Variants in TNR observed in about 807,000 individuals in gnomAD.
TNR encodes tenascin R, also known as tenascin-R.
Under a neutral mutation model 150.4 loss-of-function variants are expected in TNR, and 45 were observed. The ratio of observed to expected loss-of-function variants is 0.30; its 90% CI spans 0.24 to 0.38. The LOEUF is 0.38. TNR is among the 10% of genes least tolerant of loss of function. The probability of loss-of-function intolerance (pLI) is 1.00; values close to 1 mark genes in which losing one functional copy is unlikely to be tolerated. For synonymous variants in TNR, 687 were observed against 678.4 expected (o/e 1.01, Z -0.20); for missense variants, 1,544 against 1,759.1 (o/e 0.88, Z 2.19).
intron 1 of TNR, among the ~76,000 whole-genome samples, chr1:175,568,564 G>T (rs761618558): frequency 6.6e-6 from 1 of 152,064 alleles, no homozygotes; most frequent in Non-Finnish European, 1.5e-5. Flanking sequence ...CTCTCCCTTT[G>T]CATGGGTCCT....
At chr1:175,681,847 G>A (rs559695768) in intron 1 of TNR, among the ~76,000 whole-genome samples, 3 of 152,148 alleles carry the variant, frequency 2.0e-5, no homozygotes, top group South Asian at 2.1e-4. Flanking sequence ...TTCTGTTGGC[G>A]TCTCCACCTG....
At chr1:175,351,768 G>A (rs920943910) in intron 18 of TNR, among the ~76,000 whole-genome samples, 4 of 152,180 alleles carry the variant, frequency 2.6e-5, no homozygotes, top group African/African-American at 4.8e-5. Context: ...GTAAAACTGC[G>A]AAAGCTTCCA....
At chr1:175,505,842 A>G (rs1658938396) in intron 2 of TNR, among the ~76,000 whole-genome samples, 1 of 152,188 alleles carries the variant, frequency 6.6e-6, no homozygotes, top group Non-Finnish European at 1.5e-5. Context: ...GGAGTTCAAG[A>G]CCAGTGTGGC....
In TNR at chr1:175,330,153, G is replaced by A. The variant is rs201550383; in HGVS notation, c.3714C>T (p.Phe1238=). 1.0e-4 allele frequency: 168 copies of A among 1,613,592 alleles called. 1 individual carries two copies. In the East Asian group the frequency reaches 3.6e-3, roughly 34 times the overall value. ...VDMRDGQEAA[F]ASYDRFSVED... Reference sequence around the variant, plus strand: ...CGACAGAGAACCTGTCGTAGGAGGCGAAGGCGGCCTCTTGGCCATCCCGCA... The same window carrying A: ...CGACAGAGAACCTGTCGTAGGAGGCAAAGGCGGCCTCTTGGCCATCCCGCA... The change falls in exon 21 of 23, where the codon TTC becomes TTT. Residue 1238 remains phenylalanine, a synonymous_variant. Transcript: ENST00000367674.
intron 1 of TNR, among the ~76,000 whole-genome samples, chr1:175,710,012 C>T (rs576301529): frequency 6.6e-6 from 1 of 152,120 alleles, no homozygotes; most frequent in South Asian, 2.1e-4. Flanking sequence ...ATTCTAAGAA[C>T]AATGAGATAC....
At chr1:175,581,317 T>G (rs1662340085) in intron 1 of TNR, among the ~76,000 whole-genome samples, 1 of 152,204 alleles carries the variant, frequency 6.6e-6, no homozygotes, top group South Asian at 2.1e-4. Context: ...CTCCACACTC[T>G]TAGACAGGGG....
At chr1:175,693,519 T>C (rs1322390290) in intron 1 of TNR, among the ~76,000 whole-genome samples, 2 of 152,202 alleles carry the variant, frequency 1.3e-5, no homozygotes, top group African/African-American at 2.4e-5. Flanking sequence ...ACTTTGATGA[T>C]TAATTTCCCT....
At chr1:175,482,514 G>A (rs1657853999) in intron 2 of TNR, among the ~76,000 whole-genome samples, 1 of 152,150 alleles carries the variant, frequency 6.6e-6, no homozygotes, top group South Asian at 2.1e-4. Context: ...GGAACCATAA[G>A]CTCATATGCT....
At chr1:175,460,461 G>A (rs1236869124) in intron 2 of TNR, among the ~76,000 whole-genome samples, 1 of 151,926 alleles carries the variant, frequency 6.6e-6, no homozygotes, top group Non-Finnish European at 1.5e-5. Flanking sequence ...TCTCCAGTCA[G>A]CCCTTAGATT....
At chr1:175,325,548 G>A (rs998139110) in intron 21 of TNR, among the ~76,000 whole-genome samples, 6 of 152,132 alleles carry the variant, frequency 3.9e-5, no homozygotes, top group Admixed American at 1.3e-4. Context: ...CAGTCATTCC[G>A]CTATAGAGAC....
chr1:175,671,950 T>TGTGTGTG (rs1491413157), intron 1 of TNR, among the ~76,000 whole-genome samples: 3 of 138,062 alleles, frequency 2.2e-5, no homozygotes, highest in East Asian at 2.2e-4. Flanking sequence ...TGTGTGTGTG[T>TGTGTGTG]TGGAGAGGGG....
intron 2 of TNR, among the ~76,000 whole-genome samples, chr1:175,420,012 A>G (rs1654681924): frequency 6.6e-6 from 1 of 152,182 alleles, no homozygotes; most frequent in South Asian, 2.1e-4. Flanking sequence ...GAGGAGAGTC[A>G]GGCCCTCGCT....
At chr1:175,578,214 G>C (rs767018663) in intron 1 of TNR, among the ~76,000 whole-genome samples, 21 of 152,040 alleles carry the variant, frequency 1.4e-4, no homozygotes, top group Non-Finnish European at 2.5e-4. Context: ...GAGGTGGAGC[G>C]GGCAGGCCTG....
At chr1:175,718,529 C>A (rs997474765) in intron 1 of TNR, among the ~76,000 whole-genome samples, 1 of 152,214 alleles carries the variant, frequency 6.6e-6, no homozygotes, top group Non-Finnish European at 1.5e-5. Flanking sequence ...GCAGGACCCA[C>A]GGTGTTTGTC....
At chr1:175,726,675 C>A (rs1667488541) in intron 1 of TNR, among the ~76,000 whole-genome samples, 2 of 152,130 alleles carry the variant, frequency 1.3e-5, no homozygotes, top group South Asian at 4.1e-4. Context: ...GAGGTTTAGA[C>A]TTTTAAAGAC....
At chr1:175,545,826 T>C (rs537040018) in intron 1 of TNR, among the ~76,000 whole-genome samples, 1 of 152,206 alleles carries the variant, frequency 6.6e-6, no homozygotes, top group Non-Finnish European at 1.5e-5. Flanking sequence ...TTCACTACCA[T>C]GCCAGGTTGC....
At chr1:175,420,057 C>T (rs1654683617) in intron 2 of TNR, among the ~76,000 whole-genome samples, 1 of 152,190 alleles carries the variant, frequency 6.6e-6, no homozygotes, top group South Asian at 2.1e-4. Flanking sequence ...CTGGCTGTGC[C>T]CCTTGGCTGA....
rs1649040092 is a variant in TNR, at chr1:175,321,339, AGGTCCGAGGCCTGAT to A, written c.*2003_*2017del. ...AATGGTGGCTGGCTGCATCCCCATG[AGGTCCGAGGCCTGAT>A]GGTCAGCCCAAGGGACTTTTCATCT... is the stretch of plus-strand genomic sequence containing the variant. On this transcript the variant is annotated 3_prime_UTR_variant, in exon 23 of 23. Coordinates refer to ENST00000367674, the MANE Select transcript of TNR (RefSeq NM_003285.3). 6.6e-6 allele frequency: 1 copy of A among 152,192 alleles called. No individual in the cohort carries two copies. Among genetic ancestry groups the A allele is most frequent in the African/African-American group, 2.4e-5 (1 of 41,442 alleles). 9.4% of individuals were successfully genotyped at this position (152,192 alleles called of 1,614,324 possible). A position where few individuals can be genotyped will look rare whatever the true frequency, so the allele number is the denominator to read the frequency against.
chr1:175,424,808 G>C (rs1321883987), intron 2 of TNR, among the ~76,000 whole-genome samples: 1 of 152,156 alleles, frequency 6.6e-6, no homozygotes, highest in African/African-American at 2.4e-5. Flanking sequence ...GGCTGGAACG[G>C]ACAGTGGCCA....
Sources: allele counts gnomAD v4.1 joint callset (sites outside exome capture counted in the v4.1 genomes callset), GRCh38; gene constraint gnomAD v4.1.1; transcripts MANE v1.5; gene names NCBI Gene and HGNC (gene_info 2026-07-23, HGNC 2026-07-21).